The following TTLL7 variants were observed in gnomAD, a reference collection of about 807,000 sequenced individuals.
The protein encoded by TTLL7 is tubulin polyglutamylase TTLL7.
In TTLL7, 53 loss-of-function variants were observed where a neutral mutation model predicts 120.2. The ratio of observed to expected loss-of-function variants is 0.44; its 90% CI spans 0.35 to 0.55. The LOEUF (loss-of-function observed/expected upper bound fraction) is 0.55, where lower values mean the gene tolerates loss of function less well. Ranked by LOEUF, TTLL7 falls within the 20% of genes least tolerant of loss-of-function variation. The probability of loss-of-function intolerance (pLI) is 0.00; values close to 1 mark genes in which losing one functional copy is unlikely to be tolerated. For synonymous variants in TTLL7, 353 were observed against 351.7 expected (o/e 1.00, Z -0.04); for missense variants, 803 against 1,054.7 (o/e 0.76, Z 3.31).
At chr1:83,948,994 T>C (rs867519917) in intron 4 of TTLL7, 17 of 215,680 alleles carry the variant, frequency 7.9e-5, no homozygotes, top group African/African-American at 3.5e-4. Context: ...TTTGTTATTC[T>C]AGATTCACTA....
chr1:83,929,050 A>G (rs1205713949), intron 10 of TTLL7, 86 bp downstream of exon 10: 10 of 649,904 alleles, frequency 1.5e-5, no homozygotes, highest in Non-Finnish European at 2.2e-5. Flanking sequence ...TAAATATACT[A>G]TTCTGAAAAG....
At chr1:83,884,889 T>C (rs1010517556) in intron 19 of TTLL7, among the ~76,000 whole-genome samples, 1 of 151,742 alleles carries the variant, frequency 6.6e-6, no homozygotes, top group Non-Finnish European at 1.5e-5. Context: ...TAAAATAAAA[T>C]AAAATACTGG....
At chr1:83,934,807 T>C (rs1023186976) in intron 8 of TTLL7, among the ~76,000 whole-genome samples, 2 of 152,168 alleles carry the variant, frequency 1.3e-5, no homozygotes, top group African/African-American at 2.4e-5. Flanking sequence ...ACCTCAGTCA[T>C]GTTGCTTAAA....
At chr1:83,883,780 G>A (rs1557537804) in intron 19 of TTLL7, among the ~76,000 whole-genome samples, 1 of 151,960 alleles carries the variant, frequency 6.6e-6, no homozygotes, top group Non-Finnish European at 1.5e-5. Flanking sequence ...TGAAACAATT[G>A]TTGACCTCTC....
chr1:83,906,069 A>G (rs1023382245), intron 17 of TTLL7, among the ~76,000 whole-genome samples: 1 of 152,078 alleles, frequency 6.6e-6, no homozygotes, highest in Non-Finnish European at 1.5e-5. Context: ...TTCTGACTTG[A>G]TGAAGCAGAC....
chr1:83,892,417 C>CGA (rs1655645553), intron 18 of TTLL7, among the ~76,000 whole-genome samples: 4 of 62,658 alleles, frequency 6.4e-5, no homozygotes, highest in African/African-American at 2.6e-4. Flanking sequence ...TATATATGAA[C>CGA]ATATATATGA....
chr1:83,876,247 G>C (rs1653918339), intron 20 of TTLL7, among the ~76,000 whole-genome samples: 2 of 151,814 alleles, frequency 1.3e-5, no homozygotes, highest in South Asian at 4.1e-4. Context: ...GCCTGGGTTG[G>C]TTTATGGTTT....
At chr1:83,940,070 C>T (rs1256085218) in intron 7 of TTLL7, among the ~76,000 whole-genome samples, 2 of 152,024 alleles carry the variant, frequency 1.3e-5, no homozygotes, top group African/African-American at 2.4e-5. Context: ...TGAGAACATC[C>T]TTTTTCTATA....
intron 14 of TTLL7, chr1:83,912,471 G>A (rs1370443263): frequency 6.6e-6 from 1 of 152,154 alleles, no homozygotes; most frequent in African/African-American, 2.4e-5. Flanking sequence ...TGATGGGAGA[G>A]GTTCCTTCAG....
In TTLL7 at chr1:83,869,882, C is replaced by A; in HGVS notation, c.*80G>T. 6.5e-7 allele frequency: 1 copy of A among 1,542,782 alleles called. No homozygotes were observed. Among genetic ancestry groups the A allele is most frequent in the South Asian group, 1.2e-5 (1 of 80,204 alleles). On this transcript the variant is annotated 3_prime_UTR_variant, in exon 21 of 21. Transcript: ENST00000260505. ...TATACATAAAACAGCACTTAATGGT[C>A]ATGTTCTTTGCATGTTCAACTTCAG... is the stretch of plus-strand genomic sequence containing the variant.
At chr1:83,961,474 T>A (rs956758921) in intron 1 of TTLL7, among the ~76,000 whole-genome samples, 4 of 152,194 alleles carry the variant, frequency 2.6e-5, no homozygotes, top group Non-Finnish European at 4.4e-5. Context: ...TAGCCTATTA[T>A]GACATGAAAA....
intron 1 of TTLL7, among the ~76,000 whole-genome samples, chr1:83,958,927 T>C (rs1219442044): frequency 6.6e-6 from 1 of 152,174 alleles, no homozygotes; most frequent in African/African-American, 2.4e-5. Flanking sequence ...CAGACCACAC[T>C]TTGAGTAGCA....
At chr1:83,902,420 C>T (rs562650195) in intron 18 of TTLL7, among the ~76,000 whole-genome samples, 5 of 152,052 alleles carry the variant, frequency 3.3e-5, no homozygotes, top group African/African-American at 1.2e-4. Flanking sequence ...CACCACCCCT[C>T]TAAATTTATG....
At chr1:83,931,113 C>T (rs1490947031) in intron 9 of TTLL7, among the ~76,000 whole-genome samples, 3 of 151,754 alleles carry the variant, frequency 2.0e-5, no homozygotes, top group Admixed American at 1.3e-4. Context: ...CCAAAATTCT[C>T]CTCTATAATG....
intron 20 of TTLL7, among the ~76,000 whole-genome samples, chr1:83,871,896 CAAA>C (rs1281907006): frequency 4.5e-5 from 2 of 43,994 alleles, no homozygotes; most frequent in Non-Finnish European, 5.1e-5. Context: ...GACTCCATCT[CAAA>C]AAAAAAAAAA....
At chr1:83,948,827 AT>A in intron 4 of TTLL7, 132 bp from the exon 5 acceptor site, 1 of 608,898 alleles carries the variant, frequency 1.6e-6, no homozygotes, top group Admixed American at 3.1e-5. Flanking sequence ...AAAAGATTTA[AT>A]GTTAAATGAC....
At chr1:83,915,436 C>T (rs1431197887) in intron 14 of TTLL7, among the ~76,000 whole-genome samples, 2 of 152,108 alleles carry the variant, frequency 1.3e-5, no homozygotes, top group South Asian at 4.1e-4. Flanking sequence ...ACTAGCTAGC[C>T]ATATGTAGAA....
chr1:83,887,441 A>G (rs2100719281), intron 19 of TTLL7, among the ~76,000 whole-genome samples: 1 of 152,204 alleles, frequency 6.6e-6, no homozygotes, highest in Non-Finnish European at 1.5e-5. Context: ...TCTGGGTCCA[A>G]ACTGAGAATC....
Position 83,942,481 on chromosome 1 carries a change from T to G in TTLL7, c.705A>C (p.Pro235=). 1 of 1,613,718 alleles carries G rather than the reference T, an allele frequency of 6.2e-7. No homozygotes were observed. The highest frequency in any genetic ancestry group is 8.5e-7 in the Non-Finnish European group (1 of 1,179,740). The change falls in exon 7 of 21, where the codon CCA becomes CCC. Residue 235 remains proline (P), a synonymous_variant. Coordinates refer to ENST00000260505, the MANE Select transcript of TTLL7 (RefSeq NM_024686.6). ...CACTTACCAAATTGGACTCATTAGG[T>G]GGAATGTACTTCTCTGTACCCATTC... ...LVRMGTEKYI[P]PNESNLTQLY... is the part of the protein sequence containing the mutation.
Sources: gnomAD v4.1 joint callset for allele counts (sites outside exome capture counted in the v4.1 genomes callset) on GRCh38, gnomAD v4.1.1 for gene constraint, MANE v1.5 for transcripts, NCBI Gene and HGNC (gene_info 2026-07-23, HGNC 2026-07-21) for gene names.